DNAJB6: variants seen among roughly 807,000 people sequenced by gnomAD.
DNAJB6 encodes the protein dnaJ homolog subfamily B member 6.
In DNAJB6, 16 loss-of-function variants were observed where a neutral mutation model predicts 42.7. The ratio of observed to expected loss-of-function variants is 0.37; its 90% CI spans 0.25 to 0.57. DNAJB6 has a LOEUF of 0.57. Ranked by LOEUF, DNAJB6 falls within the 20% of genes least tolerant of loss-of-function variation. The pLI is 0.74. For missense variants in DNAJB6, 347 were observed against 416.8 expected (o/e 0.83, Z 1.46); for synonymous variants, 170 against 163.5 (o/e 1.04, Z -0.30).
intron 8 of DNAJB6, among the ~76,000 whole-genome samples, chr7:157,390,317 G>C (rs1172292398): frequency 6.6e-6 from 1 of 152,234 alleles, no homozygotes; most frequent in Non-Finnish European, 1.5e-5. Context: ...ACTCCTGGGA[G>C]CCCTGACTAG....
chr7:157,407,057 G>A (rs1002020482), intron 8 of DNAJB6, among the ~76,000 whole-genome samples: 5 of 152,364 alleles, frequency 3.3e-5, no homozygotes, highest in South Asian at 2.1e-4. Context: ...CCAGGGGCGC[G>A]TTTTCACCTG....
intron 8 of DNAJB6, among the ~76,000 whole-genome samples, chr7:157,392,530 G>T (rs111464828): frequency 1.3e-5 from 2 of 152,240 alleles, no homozygotes; most frequent in African/African-American, 4.8e-5. Flanking sequence ...AGGTTGTTGT[G>T]TGGGAAACAG....
chr7:157,351,515 C>T (rs1798972632), intron 1 of DNAJB6, among the ~76,000 whole-genome samples: 1 of 151,820 alleles, frequency 6.6e-6, no homozygotes, highest in South Asian at 2.1e-4. Flanking sequence ...TGCCTGTAGT[C>T]CCAGCTCCTC....
At chr7:157,395,853 A>G (rs1347769802) in intron 8 of DNAJB6, among the ~76,000 whole-genome samples, 1 of 149,604 alleles carries the variant, frequency 6.7e-6, no homozygotes, top group Non-Finnish European at 1.5e-5. Flanking sequence ...ACAGAGTTTC[A>G]CTCTGTTGGC....
chr7:157,410,235 C>A, intron 9 of DNAJB6: 1 of 1,009,404 alleles, frequency 9.9e-7, no homozygotes, highest in Non-Finnish European at 1.4e-6. Flanking sequence ...GTGTCCTGTA[C>A]GCAGCGTGTT....
rs369876849 is a variant in DNAJB6, at chr7:157,417,250, T to G, written c.*1152T>G. 6.6e-6 allele frequency: 1 copy of G among 152,226 alleles called. No homozygotes were observed. The highest frequency in any genetic ancestry group is 2.1e-4 in the South Asian group (1 of 4,838). 9.4% of individuals were successfully genotyped at this position (152,226 alleles called of 1,614,324 possible). A position where few individuals can be genotyped will look rare whatever the true frequency, so the allele number is the denominator to read the frequency against. On this transcript the variant is annotated 3_prime_UTR_variant, in exon 10 of 10. Coordinates refer to ENST00000262177, the MANE Select transcript of DNAJB6 (RefSeq NM_058246.4). Reference sequence around the variant, plus strand: ...CAATCCATGTAGCAGTGACCCAGGCTTGGGAGCCAGAAACAAGTGTGACCT... The same window carrying G: ...CAATCCATGTAGCAGTGACCCAGGCGTGGGAGCCAGAAACAAGTGTGACCT...
intron 5 of DNAJB6, chr7:157,382,030 C>A: frequency 7.6e-6 from 3 of 394,570 alleles, no homozygotes; most frequent in East Asian, 4.9e-5. Context: ...TTATTTGATA[C>A]AATGTATTGT....
At chr7:157,392,588 C>A (rs1442528546) in intron 8 of DNAJB6, among the ~76,000 whole-genome samples, 1 of 152,174 alleles carries the variant, frequency 6.6e-6, no homozygotes, top group East Asian at 1.9e-4. Flanking sequence ...GGACTCTCGT[C>A]CTGTCTGGTT....
At chr7:157,412,424 T>A (rs1016996261) in intron 9 of DNAJB6, 10 of 152,202 alleles carry the variant, frequency 6.6e-5, no homozygotes, top group African/African-American at 2.4e-4. Flanking sequence ...CGTGCTAGTG[T>A]GGGAGTGACA....
intron 5 of DNAJB6, 134 bp from the exon 6 acceptor site, chr7:157,382,112 T>G: frequency 1.1e-6 from 1 of 944,850 alleles, no homozygotes; most frequent in South Asian, 2.0e-5. Flanking sequence ...GTAGATAAGC[T>G]CTTTTGTTAA....
At chr7:157,337,389 C>G (rs1798096682) in intron 1 of DNAJB6, 1 of 152,036 alleles carries the variant, frequency 6.6e-6, no homozygotes, top group Non-Finnish European at 1.5e-5. Flanking sequence ...CGCGTCCTCC[C>G]CGCCCGGCGT....
chr7:157,387,175 A>G (rs1801107732), intron 8 of DNAJB6, among the ~76,000 whole-genome samples: 1 of 152,198 alleles, frequency 6.6e-6, no homozygotes, highest in Non-Finnish European at 1.5e-5. Context: ...TGTTACTGAA[A>G]ATAAGTAAAA....
intron 8 of DNAJB6, among the ~76,000 whole-genome samples, chr7:157,395,422 G>A (rs1275806272): frequency 2.0e-5 from 3 of 152,180 alleles, no homozygotes; most frequent in African/African-American, 7.2e-5. Context: ...TGCGTATGCA[G>A]GAGCTTAGCT....
intron 5 of DNAJB6, chr7:157,369,242 A>T (rs577910231): frequency 2.2e-6 from 1 of 456,476 alleles, no homozygotes; most frequent in Non-Finnish European, 4.4e-6. Context: ...TCCTTCATCA[A>T]CCCTCACAGG....
At chr7:157,402,786 C>T (rs991788349) in intron 8 of DNAJB6, among the ~76,000 whole-genome samples, 4 of 152,334 alleles carry the variant, frequency 2.6e-5, no homozygotes, top group African/African-American at 9.6e-5. Flanking sequence ...GGCCCCTGCA[C>T]TTTTCCAGGG....
At chr7:157,351,387 G>A (rs1404964138) in intron 1 of DNAJB6, among the ~76,000 whole-genome samples, 2 of 152,040 alleles carry the variant, frequency 1.3e-5, no homozygotes, top group African/African-American at 4.8e-5. Flanking sequence ...CCAGCACTTT[G>A]GGAGGCCGAG....
chr7:157,345,637 G>A (rs1185278469), intron 1 of DNAJB6, among the ~76,000 whole-genome samples: 2 of 152,138 alleles, frequency 1.3e-5, no homozygotes, highest in African/African-American at 2.4e-5. Context: ...AATCCCACTT[G>A]TCTGTTTCGG....
rs1563128417 is a variant in DNAJB6, at chr7:157,369,865, C to CATTATTATTAAACAGGCCCCTTCTCA, written c.346+2383_346+2384insTTATTATTAAACAGGCCCCTTCTCAA. On this transcript the variant is annotated intron_variant, in intron 5 of 9. Coordinates refer to ENST00000262177, the MANE Select transcript of DNAJB6 (RefSeq NM_058246.4). ...GTTATTATTAAACGGGCCCCTTCTT[C>CATTATTATTAAACAGGCCCCTTCTCA]ACATTATTATTAAACAGGCCCCTTC... Among the ~76,000 whole-genome samples the CATTATTATTAAACAGGCCCCTTCTCA allele has an allele frequency of 3.1e-4, 35 of 113,092 alleles. 1 individual carries two copies. Among genetic ancestry groups the CATTATTATTAAACAGGCCCCTTCTCA allele is most frequent in the African/African-American group, 1.3e-3 (30 of 22,442 alleles). The allele number at this position is 113,092 out of a possible 152,430, so 74.2% of individuals were successfully genotyped here.
intron 8 of DNAJB6, among the ~76,000 whole-genome samples, chr7:157,401,564 G>A (rs1309924596): frequency 6.6e-6 from 1 of 152,184 alleles, no homozygotes; most frequent in East Asian, 1.9e-4. Context: ...CTGTTCATAT[G>A]GTGGATGTAG....
Sources: allele counts gnomAD v4.1 joint callset (sites outside exome capture counted in the v4.1 genomes callset), GRCh38; gene constraint gnomAD v4.1.1; transcripts MANE v1.5; gene names NCBI Gene and HGNC (gene_info 2026-07-23, HGNC 2026-07-21).